OCA2: variants seen among roughly 807,000 people sequenced by gnomAD.
OCA2 encodes the protein OCA2 melanosomal transmembrane protein, also known as P protein.
In OCA2, 77 loss-of-function variants were observed where a neutral mutation model predicts 100.2. The observed-to-expected ratio is 0.77, with a 90% CI of 0.64 to 0.93. The LOEUF is 0.93. Among genes scored for constraint, OCA2 ranks in the 40% least tolerant of loss-of-function variants. The pLI, the probability that OCA2 is intolerant of heterozygous loss-of-function variation, is 0.00. For synonymous variants in OCA2, 432 were observed against 439.2 expected, an observed-to-expected ratio of 0.98 and a Z score of 0.21; for missense variants, 1,062 against 1,089.1, an observed-to-expected ratio of 0.98 and a Z score of 0.35.
chr15:27,845,715 A>G (rs755494450), intron 22 of OCA2, among the ~76,000 whole-genome samples: 1 of 152,146 alleles, frequency 6.6e-6, no homozygotes, highest in Non-Finnish European at 1.5e-5. Context: ...GCTCCCAGCC[A>G]TCGTGGTCAG....
rs146811192 is a variant in OCA2 at position 27,924,581 on chromosome 15, A to G, written c.2079+1546T>C. ...ACACAATGTCTGTATTTTCCACGAG[A>G]TAAGTTAGTATTAATCCAGCACAGA... On this transcript the variant is annotated intron_variant, in intron 19 of 23. Coordinates refer to ENST00000354638, the MANE Select transcript of OCA2 (RefSeq NM_000275.3). Among the ~76,000 whole-genome samples the G allele has an allele frequency of 9.5e-3, 1,449 of 152,316 alleles. 11 individuals carry two copies. The highest frequency in any genetic ancestry group is 0.015 in the Non-Finnish European group (1,018 of 68,034).
intron 23 of OCA2, among the ~76,000 whole-genome samples, chr15:27,797,329 G>A (rs534284363): frequency 6.6e-6 from 1 of 152,314 alleles, no homozygotes; most frequent in Admixed American, 6.5e-5. Flanking sequence ...AATCCCTGGA[G>A]GCAAAGGGGG....
chr15:27,826,690 T>C (rs897367579), intron 23 of OCA2, among the ~76,000 whole-genome samples: 1 of 152,134 alleles, frequency 6.6e-6, no homozygotes, highest in African/African-American at 2.4e-5. Context: ...TCTGTAGATA[T>C]TACCTTGCAA....
At chr15:27,861,003 A>G (rs1207736194) in intron 21 of OCA2, among the ~76,000 whole-genome samples, 1 of 152,190 alleles carries the variant, frequency 6.6e-6, no homozygotes, top group African/African-American at 2.4e-5. Context: ...GGCTCTCAGG[A>G]GCAGGGCAAG....
intron 23 of OCA2, among the ~76,000 whole-genome samples, chr15:27,762,380 T>C (rs1396145037): frequency 1.3e-5 from 2 of 152,176 alleles, no homozygotes; most frequent in African/African-American, 4.8e-5. Context: ...CAAGGAGCCA[T>C]ACCTGCTGAC....
chr15:28,012,050 T>A (rs2042257222), intron 9 of OCA2, among the ~76,000 whole-genome samples: 1 of 150,954 alleles, frequency 6.6e-6, no homozygotes, highest in Non-Finnish European at 1.5e-5. Context: ...TCCAACAGTC[T>A]GTATATCTAT....
intron 9 of OCA2, among the ~76,000 whole-genome samples, chr15:27,994,619 G>A (rs746996521): frequency 6.8e-4 from 103 of 152,358 alleles, no homozygotes; most frequent in Middle Eastern, 3.4e-3. Flanking sequence ...CCAGCTGTGA[G>A]CTCCTGTGAG....
chr15:28,019,043 C>T (rs2042500661), intron 6 of OCA2, among the ~76,000 whole-genome samples: 1 of 152,108 alleles, frequency 6.6e-6, no homozygotes, highest in African/African-American at 2.4e-5. Flanking sequence ...TTAACCTGTC[C>T]TTCGTGTCTA....
intron 14 of OCA2, among the ~76,000 whole-genome samples, chr15:27,969,948 A>G (rs558545853): frequency 1.3e-5 from 2 of 151,998 alleles, no homozygotes; most frequent in Non-Finnish European, 2.9e-5. Context: ...AGCTGAATCT[A>G]TTGAATATTT....
At chr15:28,072,186 T>C (rs2044281156) in intron 2 of OCA2, among the ~76,000 whole-genome samples, 1 of 151,486 alleles carries the variant, frequency 6.6e-6, no homozygotes, top group Non-Finnish European at 1.5e-5. Flanking sequence ...GCTAACATGG[T>C]GAAACCCCGT....
At chr15:27,770,893 TCTC>T (rs2031745814) in intron 23 of OCA2, among the ~76,000 whole-genome samples, 8 of 39,840 alleles carry the variant, frequency 2.0e-4, no homozygotes, top group Admixed American at 4.6e-4. Flanking sequence ...CTCCTTCCCA[TCTC>T]CTTTTCCTTC....
At chr15:27,768,772 C>T (rs541974417) in intron 23 of OCA2, among the ~76,000 whole-genome samples, 8 of 152,302 alleles carry the variant, frequency 5.3e-5, no homozygotes, top group African/African-American at 1.7e-4. Flanking sequence ...TGGTGGCAGC[C>T]CCCGTTCACA....
intron 1 of OCA2, among the ~76,000 whole-genome samples, chr15:28,091,448 T>C (rs1049098510): frequency 1.3e-5 from 2 of 152,148 alleles, no homozygotes; most frequent in South Asian, 2.1e-4. Context: ...TTCAGTAATA[T>C]ATCAAAAGAG....
chr15:27,963,499 A>G (rs2040470236), intron 15 of OCA2, among the ~76,000 whole-genome samples: 3 of 152,176 alleles, frequency 2.0e-5, no homozygotes, highest in Admixed American at 2.0e-4. Flanking sequence ...CTTGGAAGGT[A>G]TATAAACCAT....
At chr15:27,960,040 G>A (rs1191590005) in intron 15 of OCA2, among the ~76,000 whole-genome samples, 6 of 152,136 alleles carry the variant, frequency 3.9e-5, no homozygotes, top group African/African-American at 1.4e-4. Flanking sequence ...TCCCCACCCT[G>A]TCTACTCTGC....
At chr15:27,940,109 T>C (rs1367051893) in intron 18 of OCA2, among the ~76,000 whole-genome samples, 2 of 152,176 alleles carry the variant, frequency 1.3e-5, no homozygotes, top group Non-Finnish European at 2.9e-5. Flanking sequence ...AAAATCCAAA[T>C]AGAATGCATT....
chr15:27,912,149 G>A (rs997868220), intron 19 of OCA2, among the ~76,000 whole-genome samples: 21 of 152,164 alleles, frequency 1.4e-4, no homozygotes, highest in African/African-American at 4.8e-5. Flanking sequence ...ACACATAGAC[G>A]AGTAAATTAA....
chr15:27,977,005 C>CA (rs959140051), intron 14 of OCA2, among the ~76,000 whole-genome samples: 2 of 151,914 alleles, frequency 1.3e-5, no homozygotes, highest in African/African-American at 4.8e-5. Context: ...TGTGTGTTTC[C>CA]AAAAAATTGT....
At chr15:27,793,103 G>A (rs893904664) in intron 23 of OCA2, among the ~76,000 whole-genome samples, 4 of 152,208 alleles carry the variant, frequency 2.6e-5, no homozygotes, top group African/African-American at 7.2e-5. Context: ...TTTGAAAGAA[G>A]AAGAACTGCA....
Sources: gnomAD v4.1 joint callset for allele counts (sites outside exome capture counted in the v4.1 genomes callset) on GRCh38, gnomAD v4.1.1 for gene constraint, MANE v1.5 for transcripts, NCBI Gene and HGNC (gene_info 2026-07-23, HGNC 2026-07-21) for gene names.